Variants in KCNH1 observed in about 807,000 individuals in gnomAD.
The protein encoded by KCNH1 is voltage-gated delayed rectifier potassium channel KCNH1.
KCNH1 carries 27 observed loss-of-function variants against 69.2 expected under a neutral mutation model. The observed-to-expected ratio is 0.39, with a 90% CI of 0.29 to 0.54. The LOEUF (loss-of-function observed/expected upper bound fraction) is 0.54, where lower values mean the gene tolerates loss of function less well. Ranked by LOEUF, KCNH1 falls within the 20% of genes least tolerant of loss-of-function variation. The pLI is 0.68. For synonymous variants in KCNH1, 456 were observed against 487.7 expected (o/e 0.93, Z 0.86); for missense variants, 798 against 1,261.6 (o/e 0.63, Z 5.57).
At chr1:210,744,189 C>T (rs1352676964) in intron 10 of KCNH1, among the ~76,000 whole-genome samples, 6 of 152,184 alleles carry the variant, frequency 3.9e-5, no homozygotes, top group African/African-American at 4.8e-5. Flanking sequence ...GCCCCAGCAC[C>T]CCTGATGAGA....
chr1:210,854,034 TAA>T (rs1269714001), intron 7 of KCNH1, among the ~76,000 whole-genome samples: 1 of 129,300 alleles, frequency 7.7e-6, no homozygotes, highest in Non-Finnish European at 1.6e-5. Context: ...ATAAATGAAA[TAA>T]AAGAGGGCCA....
chr1:210,961,394 C>T lies in KCNH1; in HGVS notation c.1033-41325G>A, dbSNP rs184934023. Among the ~76,000 whole-genome samples, 331 of 151,502 alleles carry T rather than the reference C, an allele frequency of 2.2e-3. 1 individual carries two copies. The highest frequency in any genetic ancestry group is 3.3e-3 in the South Asian group (16 of 4,796). The stretch of plus-strand genomic sequence containing the variant: ...ATGCCCTCAAGATTACTAATTTTTT[C>T]TTCTCTATTTTCTAATCCAGTATAA... On this transcript the variant is annotated intron_variant, in intron 6 of 10. Coordinates refer to ENST00000271751, the MANE Select transcript of KCNH1 (RefSeq NM_172362.3).
chr1:210,959,770 G>C (rs952380394), intron 6 of KCNH1, among the ~76,000 whole-genome samples: 1 of 152,214 alleles, frequency 6.6e-6, no homozygotes, highest in Non-Finnish European at 1.5e-5. Context: ...GAAAAGCACA[G>C]TATTTAGGCG....
chr1:211,031,739 T>A (rs1426254752), intron 5 of KCNH1, among the ~76,000 whole-genome samples: 1 of 152,172 alleles, frequency 6.6e-6, no homozygotes, highest in Non-Finnish European at 1.5e-5. Flanking sequence ...CTCAATCAAT[T>A]AGCTATTGAT....
At chr1:211,100,333 T>C (rs1373622010) in intron 3 of KCNH1, among the ~76,000 whole-genome samples, 4 of 152,136 alleles carry the variant, frequency 2.6e-5, no homozygotes, top group African/African-American at 9.7e-5. Flanking sequence ...CTCATATTAC[T>C]TCTCATGTAT....
chr1:210,685,790 T>C (rs1411841382), intron 10 of KCNH1, among the ~76,000 whole-genome samples: 1 of 152,148 alleles, frequency 6.6e-6, no homozygotes, highest in Non-Finnish European at 1.5e-5. Context: ...CACCAGCAGG[T>C]TCTCAGGTAT....
Position 210,919,332 on chromosome 1 carries a change from T to C in KCNH1, c.1462+308A>G, listed in dbSNP as rs1236828676. 3 of 254,366 alleles carry C rather than the reference T, an allele frequency of 1.2e-5. No individual in the cohort carries two copies. The highest frequency in any genetic ancestry group is 2.2e-5 in the African/African-American group (1 of 46,146). The allele number at this position is 254,366 out of a possible 1,614,324, so 15.8% of individuals were successfully genotyped here. A position where few individuals can be genotyped will look rare whatever the true frequency, so the allele number is the denominator to read the frequency against. ...ATCTCATTTTAAGTTTATAAAAATC[T>C]ATATGTATTCAGATATGCAAAGAAA... On this transcript the variant is annotated intron_variant, in intron 7 of 10. Transcript: ENST00000271751. This position sits in a 1 kb window ranked among gnomAD's most constrained non-coding sequence, Gnocchi z 4.2.
At position 210,901,784 on chromosome 1, in the gene KCNH1, G is replaced by A. The variant is rs571168875; in HGVS notation, c.1462+17856C>T. Among the ~76,000 whole-genome samples the A allele has an allele frequency of 3.3e-5, 5 of 152,322 alleles. 1 individual carries two copies. Among genetic ancestry groups the A allele is most frequent in the African/African-American group, 9.6e-5 (4 of 41,574 alleles). On this transcript the variant is annotated intron_variant, in intron 7 of 10. Transcript: ENST00000271751. Reference sequence around the variant, plus strand: ...AGCCTGTTGATCTTGAGAAAGAGAAGAATAGTTTCACACAGTGTCTTATAT... The same window carrying A: ...AGCCTGTTGATCTTGAGAAAGAGAAAAATAGTTTCACACAGTGTCTTATAT...
At chr1:210,855,589 A>G (rs900846923) in intron 7 of KCNH1, among the ~76,000 whole-genome samples, 1 of 152,238 alleles carries the variant, frequency 6.6e-6, no homozygotes, top group East Asian at 1.9e-4. Context: ...TGTATTGAGA[A>G]TATAGACTGA....
At chr1:210,917,604 G>A (rs1235668633) in intron 7 of KCNH1, among the ~76,000 whole-genome samples, 1 of 152,170 alleles carries the variant, frequency 6.6e-6, no homozygotes, top group Non-Finnish European at 1.5e-5. Flanking sequence ...CCTTTTGCGA[G>A]TCCATAAAAT....
intron 10 of KCNH1, among the ~76,000 whole-genome samples, chr1:210,745,794 G>T (rs1683137327): frequency 6.6e-6 from 1 of 152,166 alleles, no homozygotes; most frequent in Non-Finnish European, 1.5e-5. Context: ...AGGCCTTAGG[G>T]GAAAGAGGTG....
intron 5 of KCNH1, among the ~76,000 whole-genome samples, chr1:211,050,751 G>A (rs531808159): frequency 6.6e-6 from 1 of 152,284 alleles, no homozygotes; most frequent in East Asian, 1.9e-4. Context: ...AGTCAGTCAT[G>A]AATAGTTTTC....
chr1:210,885,542 G>A (rs888033608), intron 7 of KCNH1, among the ~76,000 whole-genome samples: 1 of 151,950 alleles, frequency 6.6e-6, no homozygotes, highest in African/African-American at 2.4e-5. Context: ...CAGCGAGACA[G>A]AACCATTCAC....
intron 5 of KCNH1, among the ~76,000 whole-genome samples, chr1:211,043,155 G>A (rs1690030134): frequency 6.6e-6 from 1 of 152,034 alleles, no homozygotes; most frequent in Admixed American, 6.6e-5. Flanking sequence ...AAAGATAAAT[G>A]AAACAAAAAG....
chr1:210,978,088 G>A (rs1285344527), intron 6 of KCNH1, among the ~76,000 whole-genome samples: 1 of 150,616 alleles, frequency 6.6e-6, no homozygotes, highest in East Asian at 1.9e-4. Flanking sequence ...GCCTAGGCTG[G>A]AGTACAGTGG....
At chr1:210,861,618 A>G (rs1685980056) in intron 7 of KCNH1, 4 of 771,102 alleles carry the variant, frequency 5.2e-6, no homozygotes, top group Non-Finnish European at 9.7e-6. Context: ...GGTATAGAGT[A>G]TAGAGTATAT....
intron 7 of KCNH1, among the ~76,000 whole-genome samples, chr1:210,882,609 GA>G (rs1686520750): frequency 6.6e-6 from 1 of 152,164 alleles, no homozygotes; most frequent in African/African-American, 2.4e-5. Flanking sequence ...TTTAAGACTA[GA>G]AGAGGAACTT....
chr1:210,723,253 T>C (rs1235260302), intron 10 of KCNH1, among the ~76,000 whole-genome samples: 1 of 152,108 alleles, frequency 6.6e-6, no homozygotes, highest in Non-Finnish European at 1.5e-5. Context: ...AAAAATATGT[T>C]ATATAGAGTA....
intron 5 of KCNH1, among the ~76,000 whole-genome samples, chr1:211,032,606 C>T (rs1189530551): frequency 6.6e-6 from 1 of 152,080 alleles, no homozygotes; most frequent in Non-Finnish European, 1.5e-5. Flanking sequence ...GAAATAATGC[C>T]ACATATCTAC....
Sources: allele counts gnomAD v4.1 joint callset (sites outside exome capture counted in the v4.1 genomes callset), GRCh38; gene constraint gnomAD v4.1.1; non-coding constraint Gnocchi (gnomAD v3.1); transcripts MANE v1.5; gene names NCBI Gene and HGNC (gene_info 2026-07-23, HGNC 2026-07-21).